Variants in GAS7 observed in about 807,000 individuals in gnomAD.
GAS7 encodes the protein growth arrest specific 7.
Under a neutral mutation model 71.1 loss-of-function variants are expected in GAS7, and 28 were observed. That is an observed-to-expected ratio of 0.39 (90% CI 0.29 to 0.54). GAS7 has a LOEUF of 0.54. GAS7 is among the 20% of genes least tolerant of loss of function. The pLI is 0.62. For missense variants in GAS7, 436 were observed against 627.8 expected, an observed-to-expected ratio of 0.69 and a Z score of 3.27; for synonymous variants, 258 against 245.8, an observed-to-expected ratio of 1.05 and a Z score of -0.46.
rs58231750 is a variant in GAS7, at chr17:10,059,609, C to T, written c.184-39712G>A. On this transcript the variant is annotated intron_variant, in intron 1 of 13. Coordinates refer to ENST00000432992, the MANE Select transcript of GAS7 (RefSeq NM_201433.2). ...AAGATTTCTCCTCCTGCAGGAGTGG[C>T]GGCTGCCTCGCACTCAACCTGGTCC... 9,702 of 750,566 alleles carry T rather than the reference C, an allele frequency of 0.013. 712 individuals carry two copies. The African/African-American group carries it at 0.16, about 12-fold the overall frequency. 46.5% of individuals were successfully genotyped at this position (750,566 alleles called of 1,614,324 possible).
At chr17:10,033,505 C>CA (rs760405685) in intron 1 of GAS7, among the ~76,000 whole-genome samples, 8 of 152,184 alleles carry the variant, frequency 5.3e-5, no homozygotes, top group Non-Finnish European at 1.0e-4. Context: ...AGTTCAGAAG[C>CA]AAGGGAGGGA....
chr17:9,918,516 T>C (rs569841917), intron 12 of GAS7, among the ~76,000 whole-genome samples: 31 of 152,326 alleles, frequency 2.0e-4, no homozygotes, highest in Admixed American at 1.0e-3. Flanking sequence ...CTGTTACTCA[T>C]GGCAATGCAC....
At chr17:10,058,108 T>C (rs1306828796) in intron 1 of GAS7, among the ~76,000 whole-genome samples, 1 of 152,206 alleles carries the variant, frequency 6.6e-6, no homozygotes, top group Non-Finnish European at 1.5e-5. Flanking sequence ...ACACAAACAC[T>C]GCGGAAGGCC....
chr17:10,128,781 A>G (rs955826876), intron 1 of GAS7, among the ~76,000 whole-genome samples: 4 of 151,764 alleles, frequency 2.6e-5, no homozygotes, highest in African/African-American at 9.7e-5. Context: ...CACCGCGCCC[A>G]GCTAATTTTT....
chr17:10,184,955 T>C (rs2074441496), intron 1 of GAS7, among the ~76,000 whole-genome samples: 1 of 148,894 alleles, frequency 6.7e-6, no homozygotes, highest in Non-Finnish European at 1.5e-5. Context: ...GACGGAGTGT[T>C]GCTGTGTCTC....
At chr17:10,001,085 A>G (rs1366408859) in intron 2 of GAS7, among the ~76,000 whole-genome samples, 1 of 152,210 alleles carries the variant, frequency 6.6e-6, no homozygotes, top group African/African-American at 2.4e-5. Context: ...GCCCTGGAAC[A>G]AACCCCTGAT....
At position 9,977,532 on chromosome 17, in the gene GAS7, A is replaced by G. The variant is rs112044323; in HGVS notation, c.385+4272T>C. On this transcript the variant is annotated intron_variant, in intron 3 of 13. Transcript: ENST00000432992. ...TGCAGCAGTTACTGAATGGCGTCTTAGGTGTTCTGTTTTGGTTTAAAGTTT... is the reference window on the plus strand; with the variant it reads ...TGCAGCAGTTACTGAATGGCGTCTTGGGTGTTCTGTTTTGGTTTAAAGTTT... 6.6e-3 allele frequency among the ~76,000 whole-genome samples: 1,003 copies of G among 152,282 alleles called. 11 individuals are homozygous for G. The highest frequency in any genetic ancestry group is 0.023 in the African/African-American group (948 of 41,550).
intron 2 of GAS7, among the ~76,000 whole-genome samples, chr17:10,014,893 G>A (rs1213767740): frequency 1.3e-5 from 2 of 152,080 alleles, no homozygotes; most frequent in African/African-American, 4.8e-5. Flanking sequence ...GGTGACTCAC[G>A]CCTGTAATCC....
intron 11 of GAS7, among the ~76,000 whole-genome samples, chr17:9,920,094 T>C (rs2067749967): frequency 2.7e-5 from 4 of 150,434 alleles, no homozygotes; most frequent in Admixed American, 2.7e-4. Flanking sequence ...AGTTTTATTT[T>C]ACACTGGGGA....
chr17:10,082,571 G>A lies in GAS7; in HGVS notation c.184-62674C>T, dbSNP rs559204904. On this transcript the variant is annotated intron_variant, in intron 1 of 13. Transcript: ENST00000432992. ...ATGAGGAAATTGAAGCAGTGACTTC[G>A]GAAAATAGTTTTGCCATTTCTTATA... Among the ~76,000 whole-genome samples, 194 of 152,280 alleles carry A rather than the reference G, an allele frequency of 1.3e-3. 1 individual carries two copies. The highest frequency in any genetic ancestry group is 1.9e-3 in the African/African-American group (81 of 41,562).
intron 1 of GAS7, among the ~76,000 whole-genome samples, chr17:10,144,878 T>C (rs1358489760): frequency 6.6e-6 from 1 of 152,212 alleles, no homozygotes; most frequent in Non-Finnish European, 1.5e-5. Flanking sequence ...AAAAGTCTTT[T>C]ATGTCTTTGA....
Position 9,943,222 on chromosome 17 carries a change from G to T in GAS7, c.630C>A (p.Asp210Glu). Residue 210 changes from aspartate to glutamate, a missense_variant, in exon 7 of 14, where the codon GAC becomes GAA. Asp to Glu is a conservative substitution (Grantham distance 45, BLOSUM62 2). Coordinates refer to ENST00000432992, the MANE Select transcript of GAS7 (RefSeq NM_201433.2). ...CAGCCACGGTGCCGTTGCCTTGGGG[G>T]TCCTTCTTATCAGCCTACAAAGGAA... ...YCDYFWADKK[D>E]PQGNGTVAGF... The T allele has an allele frequency of 1.9e-6, 3 of 1,604,474 alleles. No homozygotes were observed. Among genetic ancestry groups the T allele is most frequent in the Non-Finnish European group, 2.6e-6 (3 of 1,171,096 alleles).
At chr17:10,008,834 C>T (rs1007782886) in intron 2 of GAS7, among the ~76,000 whole-genome samples, 4 of 151,984 alleles carry the variant, frequency 2.6e-5, no homozygotes, top group Non-Finnish European at 5.9e-5. Context: ...ATTTAATCAA[C>T]CAAATGTACC....
rs553105198 is a variant in GAS7 at position 10,027,369 on chromosome 17, G to A, written c.184-7472C>T. Among the ~76,000 whole-genome samples the A allele has an allele frequency of 1.1e-3, 167 of 152,324 alleles. 1 individual carries two copies. The highest frequency in any genetic ancestry group is 3.7e-3 in the African/African-American group (155 of 41,572). Reference sequence around the variant, plus strand: ...TGGGAGTGGGAGTTAGAGAAAGTGTGTGTGCCCCATCTGTGAACAAATCCC... The same window carrying A: ...TGGGAGTGGGAGTTAGAGAAAGTGTATGTGCCCCATCTGTGAACAAATCCC... On this transcript the variant is annotated intron_variant, in intron 1 of 13. Coordinates refer to ENST00000432992, the MANE Select transcript of GAS7 (RefSeq NM_201433.2).
chr17:10,076,231 G>C (rs1295830396), intron 1 of GAS7, among the ~76,000 whole-genome samples: 1 of 75,242 alleles, frequency 1.3e-5, no homozygotes, highest in African/African-American at 5.5e-5. Context: ...GGAGGGGAGA[G>C]GGAGAGGGAG....
intron 1 of GAS7, among the ~76,000 whole-genome samples, chr17:10,078,673 G>A (rs184697079): frequency 6.6e-6 from 1 of 152,264 alleles, no homozygotes; most frequent in African/African-American, 2.4e-5. Context: ...GAAAAGCCAG[G>A]TCTAATCTTC....
At chr17:10,157,439 C>T (rs916498482) in intron 1 of GAS7, among the ~76,000 whole-genome samples, 1 of 152,210 alleles carries the variant, frequency 6.6e-6, no homozygotes, top group Non-Finnish European at 1.5e-5. Context: ...GTTGGTCAAA[C>T]CGCTTTATAA....
intron 1 of GAS7, among the ~76,000 whole-genome samples, chr17:10,188,983 G>A (rs923953782): frequency 1.3e-5 from 2 of 152,066 alleles, no homozygotes; most frequent in African/African-American, 4.8e-5. Context: ...CAAGTTCCTT[G>A]CCCATTCTTA....
In GAS7 at chr17:10,147,336, G is replaced by T. The variant is rs139341383; in HGVS notation, c.183+50872C>A. On this transcript the variant is annotated intron_variant, in intron 1 of 13. Transcript: ENST00000432992. Reference sequence around the variant, plus strand: ...CAGTGGGGCTTGGGTGGGGGCAGAGGGTGGCGTGTATGTGTCTGCGTGTTT... The same window carrying T: ...CAGTGGGGCTTGGGTGGGGGCAGAGTGTGGCGTGTATGTGTCTGCGTGTTT... Among the ~76,000 whole-genome samples, 1,031 of 152,250 alleles carry T rather than the reference G, an allele frequency of 6.8e-3. 9 individuals carry two copies. Among genetic ancestry groups the T allele is most frequent in the South Asian group, 0.017 (80 of 4,826 alleles).
Sources: gnomAD v4.1 joint callset for allele counts (sites outside exome capture counted in the v4.1 genomes callset) on GRCh38, gnomAD v4.1.1 for gene constraint, MANE v1.5 for transcripts, NCBI Gene and HGNC (gene_info 2026-07-23, HGNC 2026-07-21) for gene names.